The following ANXA3 variants were observed in gnomAD, a reference collection of about 807,000 sequenced individuals.
ANXA3 encodes the protein annexin A3, also known as 35-alpha calcimedin.
ANXA3 carries 46 observed loss-of-function variants against 48.8 expected under a neutral mutation model. That is an observed-to-expected ratio of 0.94 (90% confidence interval 0.74 to 1.21). ANXA3 has a LOEUF of 1.21. Among genes scored for constraint, ANXA3 ranks in the 50% most tolerant of loss-of-function variants. The pLI is 0.00. For synonymous variants in ANXA3, 128 were observed against 134.7 expected (o/e 0.95, Z 0.35); for missense variants, 383 against 378.6 (o/e 1.01, Z -0.10).
Position 78,609,367 on chromosome 4 carries a change from C to T in ANXA3, c.913-689C>T, listed in dbSNP as rs145215197. 3.1e-3 allele frequency among the ~76,000 whole-genome samples: 479 copies of T among 152,276 alleles called. 7 individuals carry two copies. Among genetic ancestry groups the T allele is most frequent in the South Asian group, 0.027 (132 of 4,826 alleles). On this transcript the variant is annotated intron_variant, in intron 12 of 12. Transcript: ENST00000264908. ...GTTTTACCTCCTGTGAAGTCTTTTG[C>T]GTTACAAACTTGGTATCTTTGCCCT...
chr4:78,598,179 C>CCACACA (rs57634883), intron 10 of ANXA3, among the ~76,000 whole-genome samples: 49 of 144,762 alleles, frequency 3.4e-4, no homozygotes, highest in African/African-American at 8.6e-4. Flanking sequence ...ATTAAAAAAA[C>CCACACA]CACACACACA....
intron 12 of ANXA3, among the ~76,000 whole-genome samples, chr4:78,605,056 A>G (rs552305488): frequency 2.6e-4 from 40 of 152,360 alleles, no homozygotes; most frequent in Admixed American, 2.6e-3. Flanking sequence ...CCATTTTGCA[A>G]TTCCATGAGG....
intron 11 of ANXA3, chr4:78,603,540 A>T (rs992655145): frequency 6.6e-6 from 1 of 152,122 alleles, no homozygotes; most frequent in Non-Finnish European, 1.5e-5. Context: ...ATGAGTCTCA[A>T]AGCCTCTAGT....
chr4:78,602,289 G>A (rs1578404916), intron 11 of ANXA3: 1 of 150,004 alleles, frequency 6.7e-6, no homozygotes, highest in Non-Finnish European at 1.5e-5. Flanking sequence ...ATGGCTTAAT[G>A]TTGATAGAAT....
intron 6 of ANXA3, among the ~76,000 whole-genome samples, chr4:78,590,660 C>T (rs893933946): frequency 6.6e-6 from 1 of 152,018 alleles, no homozygotes; most frequent in African/African-American, 2.4e-5. Flanking sequence ...GGGGCTACAA[C>T]TAGTCAGTAC....
chr4:78,566,105 G>A (rs919297359), intron 2 of ANXA3, among the ~76,000 whole-genome samples: 1 of 152,242 alleles, frequency 6.6e-6, no homozygotes, highest in South Asian at 2.1e-4. Flanking sequence ...AAGAAACCTA[G>A]GAGGTGAGGC....
intron 2 of ANXA3, among the ~76,000 whole-genome samples, chr4:78,560,238 A>G (rs1245504482): frequency 1.3e-5 from 2 of 152,204 alleles, no homozygotes; most frequent in Non-Finnish European, 1.5e-5. Flanking sequence ...CAGATTCCAC[A>G]GGATTAAGGG....
chr4:78,584,871 A>G (rs1490776183), intron 5 of ANXA3, among the ~76,000 whole-genome samples: 1 of 152,206 alleles, frequency 6.6e-6, no homozygotes, highest in African/African-American at 2.4e-5. Flanking sequence ...GACCCCTATG[A>G]GAGGAGAGAG....
chr4:78,607,779 G>T (rs1488156160), intron 12 of ANXA3, among the ~76,000 whole-genome samples: 1 of 152,262 alleles, frequency 6.6e-6, no homozygotes, highest in East Asian at 1.9e-4. Context: ...GAAGTTTGGG[G>T]TTAGAGAAAT....
chr4:78,604,231 T>G (rs761346543), intron 11 of ANXA3, 46 bp from the exon 12 acceptor site: 7 of 1,550,612 alleles, frequency 4.5e-6, no homozygotes, highest in Non-Finnish European at 6.2e-6. Flanking sequence ...TATGTTGCTT[T>G]GTGACCAATG....
At chr4:78,597,666 G>A (rs746698454) in intron 10 of ANXA3, among the ~76,000 whole-genome samples, 10 of 152,116 alleles carry the variant, frequency 6.6e-5, no homozygotes, top group Non-Finnish European at 1.2e-4. Context: ...AGGCTGGAGT[G>A]CAGTGGTGTG....
rs111856470 is a variant in ANXA3 at position 78,609,581 on chromosome 4, G to A, written c.913-475G>A. 1.9e-3 allele frequency among the ~76,000 whole-genome samples: 289 copies of A among 152,238 alleles called. 1 individual carries two copies. Among genetic ancestry groups the A allele is most frequent in the African/African-American group, 6.2e-3 (257 of 41,550 alleles). On this transcript the variant is annotated intron_variant, in intron 12 of 12. Coordinates refer to ENST00000264908, the MANE Select transcript of ANXA3 (RefSeq NM_005139.3). ...AATCCTGCTTTTGTCACTTATTCTCGATAAGATTTGAGGCAAGTTTCCTAA... is the reference window on the plus strand; with the variant it reads ...AATCCTGCTTTTGTCACTTATTCTCAATAAGATTTGAGGCAAGTTTCCTAA...
chr4:78,600,022 G>A (rs1361058669), intron 10 of ANXA3, among the ~76,000 whole-genome samples: 5 of 152,122 alleles, frequency 3.3e-5, no homozygotes, highest in Admixed American at 2.6e-4. Flanking sequence ...CATGATCACT[G>A]GGGATTGACA....
intron 2 of ANXA3, among the ~76,000 whole-genome samples, chr4:78,554,909 G>T (rs1722479137): frequency 6.6e-6 from 1 of 152,140 alleles, no homozygotes; most frequent in African/African-American, 2.4e-5. Context: ...AAATGAAGAA[G>T]ATGAAATATG....
chr4:78,568,557 G>T (rs1722778114), intron 2 of ANXA3, among the ~76,000 whole-genome samples: 1 of 152,146 alleles, frequency 6.6e-6, no homozygotes, highest in East Asian at 1.9e-4. Flanking sequence ...TGCTATTCTT[G>T]CTCTGTAGCA....
chr4:78,589,423 C>G lies in ANXA3; in HGVS notation c.404-2121C>G, dbSNP rs1232280483. Among the ~76,000 whole-genome samples, 3 of 152,158 alleles carry G rather than the reference C, an allele frequency of 2.0e-5. No homozygotes were observed. The South Asian group carries it at 6.2e-4, about 32-fold the overall frequency. ...CTCAATCATGCATAGCCAAACTTTACAGAGATTAAAGTCACAGCACTACCC... is the reference window on the plus strand; with the variant it reads ...CTCAATCATGCATAGCCAAACTTTAGAGAGATTAAAGTCACAGCACTACCC... On this transcript the variant is annotated intron_variant, in intron 6 of 12. Coordinates refer to ENST00000264908, the MANE Select transcript of ANXA3 (RefSeq NM_005139.3).
At chr4:78,570,433 C>G (rs530066847) in intron 2 of ANXA3, among the ~76,000 whole-genome samples, 1 of 152,266 alleles carries the variant, frequency 6.6e-6, no homozygotes, top group East Asian at 1.9e-4. Context: ...TAGAATCAGC[C>G]ACGTCAATAT....
chr4:78,591,486 T>G, intron 6 of ANXA3, 58 bp from the exon 7 acceptor site: 3 of 1,222,374 alleles, frequency 2.5e-6, no homozygotes, highest in Non-Finnish European at 3.6e-6. Context: ...CTTTTCTCTG[T>G]TTTATAATCA....
At chr4:78,562,863 G>A (rs984192657) in intron 2 of ANXA3, among the ~76,000 whole-genome samples, 1 of 152,202 alleles carries the variant, frequency 6.6e-6, no homozygotes, top group African/African-American at 2.4e-5. Flanking sequence ...TCTCGGGAAA[G>A]AGCAGCCAGG....
Sources: gnomAD v4.1 joint callset for allele counts (sites outside exome capture counted in the v4.1 genomes callset) on GRCh38, gnomAD v4.1.1 for gene constraint, MANE v1.5 for transcripts, NCBI Gene and HGNC (gene_info 2026-07-23, HGNC 2026-07-21) for gene names.